The following PHKB variants were observed in gnomAD, a reference collection of about 807,000 sequenced individuals.
PHKB encodes phosphorylase b kinase regulatory subunit beta.
PHKB carries 122 observed loss-of-function variants against 152.1 expected under a neutral mutation model. That is an observed-to-expected ratio of 0.80 (90% CI 0.69 to 0.93). PHKB has a LOEUF of 0.93. Among genes scored for constraint, PHKB ranks in the 40% least tolerant of loss-of-function variants. The pLI is 0.00. For missense variants in PHKB, 1,304 were observed against 1,328.4 expected (o/e 0.98, Z 0.29); for synonymous variants, 436 against 464.9 (o/e 0.94, Z 0.80).
At chr16:47,482,501 A>G (rs1317351812) in intron 1 of PHKB, among the ~76,000 whole-genome samples, 1 of 152,234 alleles carries the variant, frequency 6.6e-6, no homozygotes, top group Non-Finnish European at 1.5e-5. Flanking sequence ...TAATTGTAGT[A>G]GTAACATTCA....
rs1445457393 is a variant in PHKB, at chr16:47,693,463, C to T, written c.2851C>T (p.Arg951Cys). 4.3e-6 allele frequency: 7 copies of T among 1,613,988 alleles called. No homozygotes were observed. The highest frequency in any genetic ancestry group is 1.7e-5 in the Admixed American group (1 of 60,002). The change falls in exon 28 of 31, where the codon CGC becomes TGC. Residue 951 changes from arginine to cysteine, a missense_variant. By Grantham distance (180) the Arg-to-Cys change is radical. Transcript: ENST00000323584. The stretch of plus-strand genomic sequence containing the variant: ...TGACCGAGTGTGGCAGATTCTGGAG[C>T]GCACGCCCAATGGGATCATTGTTGC... ...FYDRVWQILE[R>C]TPNGIIVAGK...
chr16:47,663,815 A>G, intron 24 of PHKB, 81 bp downstream of exon 24: 1 of 857,084 alleles, frequency 1.2e-6, no homozygotes, highest in Non-Finnish European at 2.0e-6. Context: ...ACCAATATTA[A>G]AGATAGTTAT....
chr16:47,461,313 GC>G, upstream of PHKB: 2 of 1,531,668 alleles, frequency 1.3e-6, no homozygotes, highest in East Asian at 4.6e-5. Context: ...CTGACAGGCG[GC>G]CCCGGGGGCG....
intron 4 of PHKB, among the ~76,000 whole-genome samples, chr16:47,503,618 C>CAAGAG (rs756490118): frequency 5.3e-5 from 8 of 152,070 alleles, no homozygotes; most frequent in African/African-American, 7.2e-5. Context: ...ATCACGAGGT[C>CAAGAG]AAGAGATCGA....
chr16:47,525,698 C>T (rs1035561012), intron 6 of PHKB, among the ~76,000 whole-genome samples: 1 of 152,118 alleles, frequency 6.6e-6, no homozygotes, highest in Non-Finnish European at 1.5e-5. Flanking sequence ...AAGCACAAAT[C>T]TTTGTTCATC....
chr16:47,615,072 T>C (rs1484267611), intron 14 of PHKB, among the ~76,000 whole-genome samples: 1 of 152,344 alleles, frequency 6.6e-6, no homozygotes, highest in African/African-American at 2.4e-5. Context: ...CTTCCGTAGT[T>C]TCAAATGAGA....
At position 47,593,557 on chromosome 16, in the gene PHKB, GGTAA is replaced by G. The variant is rs754121094; in HGVS notation, c.1126+6_1126+9del. On this transcript the variant is annotated splice_donor_variant and splice_donor_region_variant and intron_variant, in intron 11 of 30. Coordinates refer to ENST00000323584, the MANE Select transcript of PHKB (RefSeq NM_000293.3). LOFTEE classifies it high-confidence loss of function. ...ATTTTTCCTTTATATGATGATTGAT[GGTAA>G]GTAAGCTTTTTCCTGAAATTTAAGC... 9 of 1,475,896 alleles carry G rather than the reference GGTAA, an allele frequency of 6.1e-6. No individual in the cohort carries two copies. In the East Asian group the frequency reaches 2.0e-4, roughly 33 times the overall value. The allele number at this position is 1,475,896 out of a possible 1,614,324, so 91.4% of individuals were successfully genotyped here. A position where few individuals can be genotyped will look rare whatever the true frequency, so the allele number is the denominator to read the frequency against.
At chr16:47,540,605 C>T (rs1411065299) in intron 6 of PHKB, among the ~76,000 whole-genome samples, 1 of 151,980 alleles carries the variant, frequency 6.6e-6, no homozygotes, top group Non-Finnish European at 1.5e-5. Context: ...TACTCTTTCT[C>T]TTTATTTCTC....
intron 14 of PHKB, among the ~76,000 whole-genome samples, chr16:47,628,320 C>G (rs1302142683): frequency 6.6e-6 from 1 of 152,150 alleles, no homozygotes; most frequent in African/African-American, 2.4e-5. Flanking sequence ...ATCATGAGGT[C>G]AGGAGATCGA....
intron 8 of PHKB, among the ~76,000 whole-genome samples, chr16:47,580,875 C>T (rs1006322990): frequency 1.3e-5 from 2 of 151,772 alleles, no homozygotes; most frequent in African/African-American, 4.8e-5. Flanking sequence ...AAAAAAAAAC[C>T]CTGAAGGTCG....
intron 1 of PHKB, among the ~76,000 whole-genome samples, chr16:47,476,698 C>T (rs995795142): frequency 7.9e-5 from 12 of 152,148 alleles, no homozygotes; most frequent in Middle Eastern, 3.4e-3. Context: ...ATATTTCCTC[C>T]CTTATGCATT....
intron 7 of PHKB, among the ~76,000 whole-genome samples, chr16:47,579,867 G>A (rs186250674): frequency 6.6e-6 from 1 of 152,248 alleles, no homozygotes; most frequent in African/African-American, 2.4e-5. Context: ...ATAGTTGTAT[G>A]ATATGCAAGA....
chr16:47,629,952 C>T (rs1314600383), intron 14 of PHKB, among the ~76,000 whole-genome samples: 4 of 151,204 alleles, frequency 2.6e-5, no homozygotes, highest in African/African-American at 9.7e-5. Flanking sequence ...CATATTCTCA[C>T]TCATAGATGG....
intron 7 of PHKB, among the ~76,000 whole-genome samples, chr16:47,572,918 A>G (rs1971687164): frequency 6.6e-6 from 1 of 152,196 alleles, no homozygotes; most frequent in Admixed American, 6.5e-5. Flanking sequence ...ACCTCCAACT[A>G]CAATTTAGGG....
At chr16:47,566,796 A>C (rs745570816) in intron 7 of PHKB, 36 of 731,510 alleles carry the variant, frequency 4.9e-5, no homozygotes, top group Non-Finnish European at 8.6e-5. Flanking sequence ...TGGTTTGGAA[A>C]CATAAGTGCT....
intron 10 of PHKB, 39 bp from the exon 11 acceptor site, chr16:47,593,461 T>C (rs774183739): frequency 6.9e-6 from 7 of 1,010,418 alleles, no homozygotes; most frequent in Admixed American, 1.7e-5. Context: ...AATAATTTAA[T>C]TGTTAGTGTA....
At chr16:47,619,176 C>CACA (rs1301099788) in intron 14 of PHKB, 1 of 152,070 alleles carries the variant, frequency 6.6e-6, no homozygotes, top group Non-Finnish European at 1.5e-5. Flanking sequence ...CTCCAAGGTC[C>CACA]CACAGTTGTC....
At chr16:47,647,501 CTT>C (rs1200871635) in intron 16 of PHKB, among the ~76,000 whole-genome samples, 8 of 144,684 alleles carry the variant, frequency 5.5e-5, no homozygotes, top group Non-Finnish European at 7.6e-5. Context: ...ATTTTAACAT[CTT>C]TTTTTTTTTT....
intron 14 of PHKB, among the ~76,000 whole-genome samples, chr16:47,635,050 A>G (rs1376817894): frequency 6.6e-6 from 1 of 152,216 alleles, no homozygotes; most frequent in Non-Finnish European, 1.5e-5. Context: ...TTAACCAAGT[A>G]AAAGATCATG....
Sources: gnomAD v4.1 joint callset for allele counts (sites outside exome capture counted in the v4.1 genomes callset) on GRCh38, gnomAD v4.1.1 for gene constraint, MANE v1.5 for transcripts, NCBI Gene and HGNC (gene_info 2026-07-23, HGNC 2026-07-21) for gene names.